GAD1: variants seen among roughly 807,000 people sequenced by gnomAD.
GAD1 encodes the protein 67 kDa glutamic acid decarboxylase.
In GAD1, 35 loss-of-function variants were observed where a neutral mutation model predicts 75.2. The ratio of observed to expected loss-of-function variants is 0.47; its 90% CI spans 0.36 to 0.62. GAD1 has a LOEUF of 0.62. Ranked by LOEUF, GAD1 falls within the 20% of genes least tolerant of loss-of-function variation. GAD1 has a pLI of 0.00. For synonymous variants in GAD1, 257 were observed against 271.9 expected (o/e 0.95, Z 0.54); for missense variants, 490 against 758.5 (o/e 0.65, Z 4.16).
At chr2:170,842,703 G>T in intron 6 of GAD1, 3 of 1,610,374 alleles carry the variant, frequency 1.9e-6, no homozygotes, top group Non-Finnish European at 2.5e-6. Context: ...ATTTCCAGGG[G>T]CCTCCCAAGG....
intron 10 of GAD1, among the ~76,000 whole-genome samples, chr2:170,846,595 A>G (rs988852852): frequency 5.9e-5 from 9 of 152,238 alleles, no homozygotes; most frequent in African/African-American, 1.9e-4. Context: ...TGGTTGTTTC[A>G]GTTACATTCT....
intron 14 of GAD1, among the ~76,000 whole-genome samples, chr2:170,856,114 C>T (rs1236419491): frequency 6.6e-6 from 1 of 152,210 alleles, no homozygotes; most frequent in Non-Finnish European, 1.5e-5. Flanking sequence ...AGCAGTGACA[C>T]TACCTGGGGA....
intron 6 of GAD1, among the ~76,000 whole-genome samples, chr2:170,842,287 C>T (rs181294114): frequency 6.6e-6 from 1 of 152,302 alleles, no homozygotes; most frequent in East Asian, 1.9e-4. Context: ...TTCATCCAGT[C>T]TTTGATATGG....
chr2:170,858,549 G>T (rs1702898945), intron 15 of GAD1, among the ~76,000 whole-genome samples: 1 of 152,146 alleles, frequency 6.6e-6, no homozygotes, highest in Non-Finnish European at 1.5e-5. Context: ...GTAATTATTT[G>T]TAACATTTCA....
In GAD1 at chr2:170,842,019, T is replaced by A. The variant is rs1702528521; in HGVS notation, c.639-2026T>A. On this transcript the variant is annotated intron_variant, in intron 6 of 16. Coordinates refer to ENST00000358196, the MANE Select transcript of GAD1 (RefSeq NM_000817.3). Reference sequence around the variant, plus strand: ...ACTGAAAGAAAGTTTAGGAATCAGGTACCTGGCATAGATAAGGAACCTGAA... The same window carrying A: ...ACTGAAAGAAAGTTTAGGAATCAGGAACCTGGCATAGATAAGGAACCTGAA... Among the ~76,000 whole-genome samples, 3 of 152,190 alleles carry A rather than the reference T, an allele frequency of 2.0e-5. No homozygotes were observed. The South Asian group carries it at 6.2e-4, about 32-fold the overall frequency.
intron 5 of GAD1, among the ~76,000 whole-genome samples, chr2:170,835,820 CAAAGT>C (rs371429302): frequency 5.4e-4 from 82 of 152,218 alleles, no homozygotes; most frequent in African/African-American, 1.9e-3. Context: ...TGGCAATGAG[CAAAGT>C]AGAGTAACAT....
At chr2:170,854,913 G>A (rs1702820749) in intron 14 of GAD1, among the ~76,000 whole-genome samples, 1 of 152,112 alleles carries the variant, frequency 6.6e-6, no homozygotes, top group African/African-American at 2.4e-5. Flanking sequence ...AAGGAAAAAA[G>A]CTAACTATTG....
chr2:170,821,922 C>T, intron 2 of GAD1, 165 bp from the exon 3 acceptor site: 1 of 674,020 alleles, frequency 1.5e-6, no homozygotes, highest in Non-Finnish European at 2.7e-6. Flanking sequence ...AGAGTATATG[C>T]CTGTCGGCTC....
chr2:170,852,547 C>A, intron 12 of GAD1, 167 bp from the exon 13 acceptor site: 1 of 680,032 alleles, frequency 1.5e-6, no homozygotes, highest in Non-Finnish European at 2.7e-6. Flanking sequence ...TAATGTAATA[C>A]TCCGAGACTG....
At chr2:170,815,302 T>A (rs1372703264), upstream of GAD1, among the ~76,000 whole-genome samples, 2 of 152,148 alleles carry the variant, frequency 1.3e-5, no homozygotes, top group Non-Finnish European at 2.9e-5. Context: ...CCGTTTAGGA[T>A]GTTTTTTGTG....
At chr2:170,849,573 G>T (rs942181344) in intron 12 of GAD1, among the ~76,000 whole-genome samples, 1 of 152,240 alleles carries the variant, frequency 6.6e-6, no homozygotes, top group Non-Finnish European at 1.5e-5. Flanking sequence ...GACAGGCCAG[G>T]TGTGGTGGCT....
At chr2:170,854,058 T>C (rs753792564) in intron 14 of GAD1, 36 bp downstream of exon 14, 76 of 1,613,462 alleles carry the variant, frequency 4.7e-5, no homozygotes, top group East Asian at 6.7e-5. Context: ...AGAGCAGAAA[T>C]GTAATTTGCA....
chr2:170,850,381 G>A (rs893847858), intron 12 of GAD1, among the ~76,000 whole-genome samples: 2 of 152,340 alleles, frequency 1.3e-5, no homozygotes, highest in African/African-American at 2.4e-5. Flanking sequence ...CAGATACTGC[G>A]ATAAAGGGAG....
At position 170,860,697 on chromosome 2, in the gene GAD1, G is replaced by A. The variant is rs949208539; in HGVS notation, c.*815G>A. ...TCTGAAAACTGTTTATGGTATTTTC[G>A]TGCATTTGTGAGCCAAAGAGAAAAG... On this transcript the variant is annotated 3_prime_UTR_variant, in exon 17 of 17. Coordinates refer to ENST00000358196, the MANE Select transcript of GAD1 (RefSeq NM_000817.3). The A allele has an allele frequency of 5.2e-5, 8 of 152,548 alleles. No individual in the cohort carries two copies. The highest frequency in any genetic ancestry group is 3.9e-4 in the Admixed American group (6 of 15,274). 9.4% of individuals were successfully genotyped at this position (152,548 alleles called of 1,614,324 possible).
intron 15 of GAD1, among the ~76,000 whole-genome samples, chr2:170,857,653 C>T (rs1702879368): frequency 6.6e-6 from 1 of 152,086 alleles, no homozygotes; most frequent in African/African-American, 2.4e-5. Context: ...TTCCAGGAAG[C>T]TTATAGGATG....
At position 170,818,393 on chromosome 2, in the gene GAD1, G is replaced by T; in HGVS notation, c.-63-136G>T. The T allele has an allele frequency of 1.6e-6, 1 of 622,938 alleles. No homozygotes were observed. Among genetic ancestry groups the T allele is most frequent in the Middle Eastern group, 4.4e-4 (1 of 2,292 alleles). 38.6% of individuals were successfully genotyped at this position (622,938 alleles called of 1,614,324 possible). On this transcript the variant is annotated intron_variant, in intron 1 of 16. Coordinates refer to ENST00000358196, the MANE Select transcript of GAD1 (RefSeq NM_000817.3). This position sits in a 1 kb window ranked among gnomAD's most constrained non-coding sequence, Gnocchi z 5.9. The stretch of plus-strand genomic sequence containing the variant: ...ACCCCTGCGCACCCCTACCAGGCAG[G>T]CTCGCTGCCTTTCCTCCCTCTTGTC...
chr2:170,829,894 T>TCATA, intron 4 of GAD1: 1 of 474,436 alleles, frequency 2.1e-6, no homozygotes, highest in Non-Finnish European at 3.8e-6. Flanking sequence ...AAATATGGAT[T>TCATA]CATAGACTCT....
At chr2:170,829,656 C>A (rs767195756) in intron 4 of GAD1, 23 bp downstream of exon 4, 1 of 1,610,168 alleles carries the variant, frequency 6.2e-7, no homozygotes, top group East Asian at 2.2e-5. Flanking sequence ...CCACTCCCGC[C>A]CCATGCTAGC....
chr2:170,855,396 C>T lies in GAD1; in HGVS notation c.1413+1374C>T, dbSNP rs145474567. 2.9e-3 allele frequency among the ~76,000 whole-genome samples: 446 copies of T among 151,482 alleles called. 4 individuals are homozygous for T. The highest frequency in any genetic ancestry group is 0.01 in the African/African-American group (418 of 41,338). On this transcript the variant is annotated intron_variant, in intron 14 of 16. Coordinates refer to ENST00000358196, the MANE Select transcript of GAD1 (RefSeq NM_000817.3). ...TCTAATTTTATATTTTTACTAGAGG[C>T]GGGGCTTCACCATGTTGGCCAGGCT...
Sources: gnomAD v4.1 joint callset for allele counts (sites outside exome capture counted in the v4.1 genomes callset) on GRCh38, gnomAD v4.1.1 for gene constraint, Gnocchi (gnomAD v3.1) non-coding constraint, MANE v1.5 for transcripts, NCBI Gene and HGNC (gene_info 2026-07-23, HGNC 2026-07-21) for gene names.